The following IL18 variants were observed in gnomAD, a reference collection of about 807,000 sequenced individuals.
The protein encoded by IL18 is interleukin 18.
A neutral mutation model predicts 14.2 loss-of-function variants in IL18; 8 were observed. That is an observed-to-expected ratio of 0.56 (90% CI 0.33 to 1.01). The LOEUF (loss-of-function observed/expected upper bound fraction) is 1.01. IL18 is among the 50% of genes least tolerant of loss of function. The pLI, the probability that IL18 is intolerant of heterozygous loss-of-function variation, is 0.03. For synonymous variants in IL18, 67 were observed against 71.0 expected (o/e 0.94, Z 0.28); for missense variants, 166 against 231.1 (o/e 0.72, Z 1.83).
intron 5 of IL18, among the ~76,000 whole-genome samples, chr11:112,145,318 G>C (rs1318806322): frequency 6.6e-6 from 1 of 152,144 alleles, no homozygotes; most frequent in East Asian, 1.9e-4. Flanking sequence ...TACAATTTAG[G>C]AAGAGACCCT....
At chr11:112,159,120 A>G (rs1222675410) in intron 1 of IL18, among the ~76,000 whole-genome samples, 2 of 152,190 alleles carry the variant, frequency 1.3e-5, no homozygotes, top group African/African-American at 4.8e-5. Flanking sequence ...TGGGAGGCTG[A>G]GGTGGGTGGA....
rs527277500 is a variant in IL18, at chr11:112,150,055, C to T, written c.226+17G>A. 84 of 1,585,344 alleles carry T rather than the reference C, an allele frequency of 5.3e-5. No individual in the cohort carries two copies. The East Asian group carries it at 1.5e-3, about 28-fold the overall frequency. On this transcript the variant is annotated intron_variant, in intron 4 of 5. Coordinates refer to ENST00000280357, the MANE Select transcript of IL18 (RefSeq NM_001562.4). Reference sequence around the variant, plus strand: ...AAGTAGCTAGTCATTTCTATGTTTGCGAATTAAAAAAAATACCTCTACAGT... The same window carrying T: ...AAGTAGCTAGTCATTTCTATGTTTGTGAATTAAAAAAAATACCTCTACAGT...
intron 1 of IL18, among the ~76,000 whole-genome samples, chr11:112,161,570 G>A (rs929491697): frequency 5.9e-5 from 9 of 152,276 alleles, no homozygotes; most frequent in South Asian, 2.1e-4. Flanking sequence ...AGGCCGAGGC[G>A]GCTGGATCAC....
chr11:112,146,364 A>G (rs879911618), intron 5 of IL18, among the ~76,000 whole-genome samples: 9 of 152,248 alleles, frequency 5.9e-5, no homozygotes, highest in Admixed American at 5.9e-4. Context: ...TCTGTCGCCC[A>G]GGCTGGAGTG....
Position 112,161,650 on chromosome 11 carries a change from T to C in IL18, c.-9+2256A>G, listed in dbSNP as rs113830905. Reference sequence around the variant, plus strand: ...CCTGTTTCTACTAAAAATACAAAAATTAGCCAGGCATGGTGGCATGTGCCT... The same window carrying C: ...CCTGTTTCTACTAAAAATACAAAAACTAGCCAGGCATGGTGGCATGTGCCT... On this transcript the variant is annotated intron_variant, in intron 1 of 5. Coordinates refer to ENST00000280357, the MANE Select transcript of IL18 (RefSeq NM_001562.4). Among the ~76,000 whole-genome samples the C allele has an allele frequency of 8.5e-3, 1,296 of 152,188 alleles. 22 individuals are homozygous for C. Among genetic ancestry groups the C allele is most frequent in the African/African-American group, 0.03 (1,231 of 41,508 alleles).
chr11:112,157,265 A>T (rs1442190801), intron 1 of IL18, among the ~76,000 whole-genome samples: 2 of 152,198 alleles, frequency 1.3e-5, no homozygotes, highest in African/African-American at 4.8e-5. Context: ...TATGTAATAC[A>T]CACATATTTA....
chr11:112,159,022 T>C (rs1866582670), intron 1 of IL18, among the ~76,000 whole-genome samples: 2 of 46,998 alleles, frequency 4.3e-5, no homozygotes, highest in South Asian at 1.9e-3. Flanking sequence ...GTCAAATTTG[T>C]GTTTTAAAAA....
At chr11:112,151,003 C>G (rs776568861) in intron 3 of IL18, 4 of 152,222 alleles carry the variant, frequency 2.6e-5, no homozygotes, top group Non-Finnish European at 5.9e-5. Context: ...GTACCCTCTA[C>G]TGAAGCTTTA....
intron 1 of IL18, among the ~76,000 whole-genome samples, chr11:112,162,813 GT>G (rs1276429358): frequency 6.6e-6 from 1 of 151,908 alleles, no homozygotes; most frequent in South Asian, 2.1e-4. Context: ...AAGTTTGTTT[GT>G]TTTTTTGTTT....
At chr11:112,147,908 G>A (rs1351752616) in intron 5 of IL18, among the ~76,000 whole-genome samples, 1 of 152,112 alleles carries the variant, frequency 6.6e-6, no homozygotes, top group Non-Finnish European at 1.5e-5. Context: ...TGTAGCTATA[G>A]TTAATTGTGG....
intron 5 of IL18, among the ~76,000 whole-genome samples, chr11:112,146,367 C>G (rs949033698): frequency 6.6e-6 from 1 of 152,120 alleles, no homozygotes; most frequent in African/African-American, 2.4e-5. Context: ...GTCGCCCAGG[C>G]TGGAGTGCAG....
Position 112,143,797 on chromosome 11 carries a change from G to A in IL18, c.381C>T (p.Asn127=). 1.3e-6 allele frequency: 2 copies of A among 1,596,658 alleles called. No homozygotes were observed. Among genetic ancestry groups the A allele is most frequent in the Non-Finnish European group, 1.7e-6 (2 of 1,166,528 alleles). ...TGATGTCACTTTTTGTATCCTTGAT[G>A]TTATCAGGAGGATTCATTTCCTATA... is the stretch of plus-strand genomic sequence containing the variant. ...ISFKEMNPPD[N]IKDTKSDIIF... Residue 127 remains asparagine (N), a synonymous_variant, in exon 6 of 6, where the codon AAC becomes AAT. Transcript: ENST00000280357.
chr11:112,155,192 T>C (rs4988359), intron 1 of IL18, 131 bp from the exon 2 acceptor site: 99,375 of 540,982 alleles, frequency 0.18, 11,406 homozygotes, highest in Non-Finnish European at 0.24. Context: ...ATTCAATAAA[T>C]GCCAGAAGTT....
At chr11:112,153,454 A>G (rs1028787614) in intron 3 of IL18, 138 bp downstream of exon 3, 17 of 503,534 alleles carry the variant, frequency 3.4e-5, no homozygotes, top group African/African-American at 2.5e-4. Flanking sequence ...AAGCTGTGCT[A>G]CTGAGTCCAC....
At chr11:112,143,889 G>A (rs919469601) in intron 5 of IL18, 72 bp from the exon 6 acceptor site, 24 of 991,026 alleles carry the variant, frequency 2.4e-5, no homozygotes, top group Non-Finnish European at 3.3e-5. Flanking sequence ...TTGTTTTGAA[G>A]TATATTACCA....
chr11:112,152,876 C>T (rs898218458), intron 3 of IL18: 10 of 152,176 alleles, frequency 6.6e-5, no homozygotes, highest in Admixed American at 6.6e-4. Context: ...CTTTGGATGT[C>T]TTTGTTACAA....
chr11:112,159,208 TG>T (rs1290188232), intron 1 of IL18, among the ~76,000 whole-genome samples: 3 of 152,016 alleles, frequency 2.0e-5, no homozygotes, highest in African/African-American at 7.2e-5. Context: ...CAAAATTAGC[TG>T]GGTGTGGTGG....
intron 5 of IL18, among the ~76,000 whole-genome samples, chr11:112,145,547 G>A (rs1404988456): frequency 6.6e-6 from 1 of 152,116 alleles, no homozygotes; most frequent in Admixed American, 6.6e-5. Context: ...AGACCATCCT[G>A]GCTAACACGG....
At chr11:112,146,813 T>A (rs971296539) in intron 5 of IL18, among the ~76,000 whole-genome samples, 7 of 151,938 alleles carry the variant, frequency 4.6e-5, no homozygotes, top group Admixed American at 4.6e-4. Flanking sequence ...CTGATGAAGC[T>A]TAAATGTCAG....
Sources: allele counts gnomAD v4.1 joint callset (sites outside exome capture counted in the v4.1 genomes callset), GRCh38; gene constraint gnomAD v4.1.1; transcripts MANE v1.5; gene names NCBI Gene and HGNC (gene_info 2026-07-23, HGNC 2026-07-21).